SSBP4: variants seen among roughly 807,000 people sequenced by gnomAD.
SSBP4 encodes single-stranded DNA-binding protein 4.
Under a neutral mutation model 64.6 loss-of-function variants are expected in SSBP4, and 33 were observed. That is an observed-to-expected ratio of 0.51 (90% CI 0.39 to 0.68). SSBP4 has a LOEUF of 0.68. SSBP4 is among the 30% of genes least tolerant of loss of function. The pLI is 0.00. For synonymous variants in SSBP4, 243 were observed against 224.0 expected (o/e 1.08, Z -0.76); for missense variants, 583 against 566.8 (o/e 1.03, Z -0.29).
the SSBP4 span, among the ~76,000 whole-genome samples, chr19:18,412,934 A>T: frequency 6.6e-6 from 1 of 152,062 alleles, no homozygotes; most frequent in Non-Finnish European, 1.5e-5. Context: ...GGGTGAGGGG[A>T]TACCTGGGAG....
At chr19:18,409,298 C>T in the SSBP4 span, among the ~76,000 whole-genome samples, 5 of 150,932 alleles carry the variant, frequency 3.3e-5, no homozygotes, top group Admixed American at 6.6e-5. Flanking sequence ...GCGATTCTCT[C>T]GCCTCAGCCT....
intron 15 of SSBP4, 56 bp from the exon 16 acceptor site, chr19:18,433,529 G>A (rs1255668220): frequency 1.3e-6 from 2 of 1,543,150 alleles, no homozygotes; most frequent in Non-Finnish European, 1.7e-6. Context: ...CCTGGAGGCC[G>A]AGGGGCATGG....
chr19:18,428,034 GCCTGT>G, intron 4 of SSBP4, 52 bp downstream of exon 4: 2 of 1,535,504 alleles, frequency 1.3e-6, no homozygotes, highest in Non-Finnish European at 1.8e-6. Flanking sequence ...GGTGTGCTGG[GCCTGT>G]GGCTGGGGAG....
Position 18,423,748 on chromosome 19 carries a change from T to C in SSBP4, c.60-3603T>C, listed in dbSNP as rs1218923504. 2.0e-5 allele frequency among the ~76,000 whole-genome samples: 3 copies of C among 152,162 alleles called. No individual in the cohort carries two copies. The highest frequency in any genetic ancestry group is 4.8e-5 in the African/African-American group (2 of 41,428). On this transcript the variant is annotated intron_variant, in intron 1 of 17. Coordinates refer to ENST00000270061, the MANE Select transcript of SSBP4 (RefSeq NM_032627.5). This position sits in a 1 kb window ranked among gnomAD's most constrained non-coding sequence, Gnocchi z 4.0. Reference sequence around the variant, plus strand: ...CATGTCCTCCGAGTCTTGTGTTCCTTCTGCAGGGAGAGCTGCCTGCTGCTC... The same window carrying C: ...CATGTCCTCCGAGTCTTGTGTTCCTCCTGCAGGGAGAGCTGCCTGCTGCTC...
the SSBP4 span, among the ~76,000 whole-genome samples, chr19:18,407,164 A>C: frequency 2.0e-5 from 3 of 152,068 alleles, no homozygotes. Flanking sequence ...CAACTTCCCA[A>C]GTAGCTGGAA....
chr19:18,410,096 C>T, the SSBP4 span, among the ~76,000 whole-genome samples: 1 of 152,220 alleles, frequency 6.6e-6, no homozygotes, highest in Non-Finnish European at 1.5e-5. Flanking sequence ...CGGGTTGAAG[C>T]CATTCTCCTG....
the SSBP4 span, among the ~76,000 whole-genome samples, chr19:18,412,391 T>C: frequency 7.5e-6 from 1 of 133,536 alleles, no homozygotes; most frequent in Admixed American, 8.7e-5. Flanking sequence ...ACTCAGGAGG[T>C]GGAGGTTTGC....
At chr19:18,433,468 T>A in intron 15 of SSBP4, 117 bp from the exon 16 acceptor site, 1 of 1,479,520 alleles carries the variant, frequency 6.8e-7, no homozygotes, top group Non-Finnish European at 9.1e-7. Context: ...CCTGGCGGGC[T>A]GTGCGGGGCG....
the SSBP4 span, among the ~76,000 whole-genome samples, chr19:18,410,242 C>T: frequency 0.047 from 7,119 of 152,152 alleles, 197 homozygotes; most frequent in Middle Eastern, 0.078. Context: ...ATGATCCGCC[C>T]GCCTCGACCT....
chr19:18,433,072 C>G (rs1169099860), intron 14 of SSBP4, 29 bp downstream of exon 14: 6 of 1,613,856 alleles, frequency 3.7e-6, no homozygotes, highest in Non-Finnish European at 5.1e-6. Flanking sequence ...GGGTGCTTCT[C>G]GAGGCGGTGA....
At chr19:18,406,474 T>C in the SSBP4 span, among the ~76,000 whole-genome samples, 1 of 151,666 alleles carries the variant, frequency 6.6e-6, no homozygotes, top group Admixed American at 6.6e-5. Context: ...AGCCACCACG[T>C]GCTGCCTAAA....
intron 1 of SSBP4, among the ~76,000 whole-genome samples, chr19:18,420,753 G>C (rs1972395436): frequency 6.6e-6 from 1 of 151,808 alleles, no homozygotes; most frequent in South Asian, 2.1e-4. Context: ...TCGGGAGGCT[G>C]AGGCAGGAGA....
chr19:18,425,802 GC>G (rs1795976425), intron 1 of SSBP4: 1 of 152,384 alleles, frequency 6.6e-6, no homozygotes, highest in African/African-American at 2.4e-5. Flanking sequence ...TGTGAGCCTG[GC>G]GCACTCCACC....
At chr19:18,419,347 G>A (rs1972256141), upstream of SSBP4, 3 of 1,018,140 alleles carry the variant, frequency 2.9e-6, no homozygotes, top group Non-Finnish European at 3.5e-6. Context: ...GCCCGCGGGC[G>A]GCGTAGAGGC....
chr19:18,421,227 T>C (rs751240033), intron 1 of SSBP4, among the ~76,000 whole-genome samples: 15 of 152,192 alleles, frequency 9.9e-5, no homozygotes, highest in Non-Finnish European at 2.1e-4. Context: ...TAGAAGGTGG[T>C]AGGCAAATGA....
intron 4 of SSBP4, 36 bp downstream of exon 4, chr19:18,428,018 GCGGGAGGTGTGCTGGGCCTGTGGCT>G: frequency 6.3e-7 from 1 of 1,598,094 alleles, no homozygotes; most frequent in Non-Finnish European, 8.5e-7. Context: ...GGGCTCCAGG[GCGGGAGGTGTGCTGGGCCTGTGGCT>G]GGGGAGGTGG....
chr19:18,419,231 C>T (rs1972248668), upstream of SSBP4: 1 of 988,564 alleles, frequency 1.0e-6, no homozygotes, highest in South Asian at 4.7e-5. Context: ...GGATCCTGAC[C>T]CGCGAGTGTG....
chr19:18,408,823 TG>T, the SSBP4 span, among the ~76,000 whole-genome samples: 1 of 151,826 alleles, frequency 6.6e-6, no homozygotes, highest in Non-Finnish European at 1.5e-5. Flanking sequence ...TCTTTTGGTT[TG>T]TTTTTTTGAG....
intron 1 of SSBP4, among the ~76,000 whole-genome samples, 177 bp downstream of exon 1, chr19:18,419,884 G>A (rs1972310736): frequency 6.7e-6 from 1 of 150,162 alleles, no homozygotes; most frequent in Non-Finnish European, 1.5e-5. Flanking sequence ...AGATTGGCGG[G>A]GGGCGCGCGA....
Sources: allele counts gnomAD v4.1 joint callset (sites outside exome capture counted in the v4.1 genomes callset), GRCh38; gene constraint gnomAD v4.1.1; non-coding constraint Gnocchi (gnomAD v3.1); transcripts MANE v1.5; gene names NCBI Gene and HGNC (gene_info 2026-07-23, HGNC 2026-07-21).